The following UVRAG variants were observed in gnomAD, a reference collection of about 807,000 sequenced individuals.
UVRAG encodes UV radiation resistance associated.
Under a neutral mutation model 78.0 loss-of-function variants are expected in UVRAG, and 19 were observed. The observed-to-expected ratio is 0.24, with a 90% CI of 0.17 to 0.36. The LOEUF is 0.36. Among genes scored for constraint, UVRAG ranks in the 10% least tolerant of loss-of-function variants. The pLI, the probability that UVRAG is intolerant of heterozygous loss-of-function variation, is 1.00. For synonymous variants in UVRAG, 323 were observed against 324.6 expected, an observed-to-expected ratio of 1.00 and a Z score of 0.05; for missense variants, 740 against 853.8, an observed-to-expected ratio of 0.87 and a Z score of 1.66.
chr11:75,824,630 G>C (rs1446184208), intron 1 of UVRAG, among the ~76,000 whole-genome samples: 1 of 148,204 alleles, frequency 6.7e-6, no homozygotes, highest in Non-Finnish European at 1.5e-5. Flanking sequence ...ATTTTTACCT[G>C]TCAGACATGT....
chr11:75,898,296 T>C (rs1947396712), intron 5 of UVRAG, among the ~76,000 whole-genome samples: 1 of 152,214 alleles, frequency 6.6e-6, no homozygotes, highest in South Asian at 2.1e-4. Flanking sequence ...AGGGGCAAAG[T>C]GACTTCCTTT....
chr11:76,107,285 AAGGG>A lies in UVRAG; in HGVS notation c.1306-8638_1306-8635del, dbSNP rs1337193546. 5.6e-4 allele frequency among the ~76,000 whole-genome samples: 85 copies of A among 152,244 alleles called. 1 individual carries two copies. Among genetic ancestry groups the A allele is most frequent in the Non-Finnish European group, 1.1e-3 (73 of 68,038 alleles). ...ATATGATATAAAGAAAAGAGCCTGT[AAGGG>A]TAGAACTTGGCAGACTTGGATTCTG... On this transcript the variant is annotated intron_variant, in intron 13 of 14. Coordinates refer to ENST00000356136, the MANE Select transcript of UVRAG (RefSeq NM_003369.4).
intron 14 of UVRAG, among the ~76,000 whole-genome samples, chr11:76,122,543 AG>A (rs1481491653): frequency 6.6e-6 from 1 of 152,248 alleles, no homozygotes; most frequent in African/African-American, 2.4e-5. Flanking sequence ...AATAAGCGGT[AG>A]CTTTTATAAT....
At chr11:76,008,341 C>T (rs1290069445) in intron 10 of UVRAG, among the ~76,000 whole-genome samples, 1 of 151,968 alleles carries the variant, frequency 6.6e-6, no homozygotes, top group Admixed American at 6.6e-5. Flanking sequence ...GTTTTTGAGC[C>T]TAGTTTCTTA....
intron 13 of UVRAG, among the ~76,000 whole-genome samples, chr11:76,086,099 C>T (rs1016550535): frequency 7.9e-5 from 12 of 152,296 alleles, no homozygotes; most frequent in East Asian, 1.9e-4. Context: ...ATAAGTAACA[C>T]GGGTAATTCA....
chr11:75,851,783 T>C (rs1459554387), intron 1 of UVRAG, 100 bp from the exon 2 acceptor site: 1 of 876,422 alleles, frequency 1.1e-6, no homozygotes, highest in Non-Finnish European at 1.8e-6. Context: ...AATAAATGAC[T>C]GAGACAACTT....
At chr11:76,053,342 C>A (rs1042389505) in intron 12 of UVRAG, among the ~76,000 whole-genome samples, 74 of 150,510 alleles carry the variant, frequency 4.9e-4, no homozygotes, top group East Asian at 1.6e-3. Flanking sequence ...CACACACACA[C>A]AAAAATAAAT....
intron 8 of UVRAG, among the ~76,000 whole-genome samples, chr11:75,985,117 G>T (rs1173544608): frequency 6.8e-6 from 1 of 146,918 alleles, no homozygotes; most frequent in East Asian, 2.0e-4. Flanking sequence ...TCTGTCCAGT[G>T]TTGCTCCTTC....
chr11:76,026,322 A>C (rs2135390299), intron 12 of UVRAG, among the ~76,000 whole-genome samples: 1 of 152,258 alleles, frequency 6.6e-6, no homozygotes, highest in Middle Eastern at 3.4e-3. Context: ...GGCATACTTA[A>C]ACACCTGTTG....
At chr11:75,821,299 C>T (rs1394525337) in intron 1 of UVRAG, among the ~76,000 whole-genome samples, 1 of 152,082 alleles carries the variant, frequency 6.6e-6, no homozygotes, top group Non-Finnish European at 1.5e-5. Flanking sequence ...TATGTATATA[C>T]TACATTTTGT....
At chr11:75,924,417 G>A (rs923139952) in intron 6 of UVRAG, among the ~76,000 whole-genome samples, 10 of 150,692 alleles carry the variant, frequency 6.6e-5, no homozygotes, top group South Asian at 4.2e-4. Flanking sequence ...ACGGAGTCTC[G>A]CTCTGTCACC....
rs778234179 is a variant in UVRAG at position 76,141,388 on chromosome 11, G to A, written c.2075G>A (p.Arg692Gln). ...ALNENVSSFRRPRRSSDK is the reference protein window; with the variant it reads ...ALNENVSSFRQPRRSSDK The stretch of plus-strand genomic sequence containing the variant: ...AATGAAAACGTATCCAGCTTCCGCC[G>A]GCCGCGCAGGAGTTCCGATAAGTGA... Residue 692 changes from arginine to glutamine, a missense_variant, in exon 15 of 15, where the codon CGG becomes CAG. Physicochemically the swap from Arg to Gln is conservative, Grantham distance 43. Coordinates refer to ENST00000356136, the MANE Select transcript of UVRAG (RefSeq NM_003369.4). 1.8e-5 allele frequency: 29 copies of A among 1,613,398 alleles called. No individual in the cohort carries two copies. Among genetic ancestry groups the A allele is most frequent in the South Asian group, 1.5e-4 (14 of 91,050 alleles).
At chr11:75,955,204 A>G (rs1283054408) in intron 6 of UVRAG, among the ~76,000 whole-genome samples, 3 of 152,102 alleles carry the variant, frequency 2.0e-5, no homozygotes, top group African/African-American at 4.8e-5. Flanking sequence ...TAAACACACA[A>G]ACACACCCAG....
chr11:75,888,241 C>T (rs999058290), intron 4 of UVRAG, among the ~76,000 whole-genome samples: 3 of 152,222 alleles, frequency 2.0e-5, no homozygotes, highest in East Asian at 3.9e-4. Context: ...TCCGGCAGTC[C>T]TCCCACCACA....
chr11:76,113,468 T>C (rs1952119802), intron 13 of UVRAG, among the ~76,000 whole-genome samples: 1 of 152,022 alleles, frequency 6.6e-6, no homozygotes, highest in African/African-American at 2.4e-5. Flanking sequence ...TTCAGAAATA[T>C]GAGGTAAAGA....
chr11:76,027,676 G>A (rs1355996733), intron 12 of UVRAG, among the ~76,000 whole-genome samples: 2 of 152,056 alleles, frequency 1.3e-5, no homozygotes, highest in African/African-American at 4.8e-5. Flanking sequence ...ACAAAATTTT[G>A]CAACTACTGT....
chr11:75,983,367 C>G lies in UVRAG; in HGVS notation c.700-20C>G, dbSNP rs1305847272. 1 of 1,553,034 alleles carries G rather than the reference C, an allele frequency of 6.4e-7. No homozygotes were observed. Among genetic ancestry groups the G allele is most frequent in the African/African-American group, 1.4e-5 (1 of 72,054 alleles). On this transcript the variant is annotated intron_variant, in intron 7 of 14. Coordinates refer to ENST00000356136, the MANE Select transcript of UVRAG (RefSeq NM_003369.4). ...ATGACATTTATATTCATAAATATAC[C>G]TGTGATTTTATTTATTTAGAAAAAA... is the stretch of plus-strand genomic sequence containing the variant.
At chr11:76,020,277 G>A (rs551130661) in intron 12 of UVRAG, among the ~76,000 whole-genome samples, 8 of 152,174 alleles carry the variant, frequency 5.3e-5, no homozygotes, top group Admixed American at 2.0e-4. Flanking sequence ...CCATCCAAGA[G>A]CCAAGGCCTG....
chr11:75,825,993 C>T (rs945246594), intron 1 of UVRAG, among the ~76,000 whole-genome samples: 2 of 151,770 alleles, frequency 1.3e-5, no homozygotes, highest in South Asian at 2.1e-4. Flanking sequence ...CCTGCCAGCA[C>T]GCTCGGCTAA....
Sources: allele counts gnomAD v4.1 joint callset (sites outside exome capture counted in the v4.1 genomes callset), GRCh38; gene constraint gnomAD v4.1.1; transcripts MANE v1.5; gene names NCBI Gene and HGNC (gene_info 2026-07-23, HGNC 2026-07-21).